SCIMP: variants seen among roughly 807,000 people sequenced by gnomAD.
SCIMP encodes SLP adaptor and CSK interacting membrane protein, also known as SLP adapter and CSK-interacting membrane protein.
In SCIMP, 18 loss-of-function variants were observed where a neutral mutation model predicts 22.0. That is an observed-to-expected ratio of 0.82 (90% CI 0.56 to 1.21). The LOEUF (loss-of-function observed/expected upper bound fraction) is 1.21. Among genes scored for constraint, SCIMP ranks in the 50% most tolerant of loss-of-function variants. The pLI is 0.00. For synonymous variants in SCIMP, 53 were observed against 62.2 expected (o/e 0.85, Z 0.70); for missense variants, 155 against 171.2 (o/e 0.91, Z 0.53).
intron 4 of SCIMP, chr17:5,214,656 C>T (rs148632265): frequency 0.019 from 7,020 of 374,202 alleles, 441 homozygotes; most frequent in African/African-American, 0.14. Context: ...CTGGCTAACG[C>T]GGTGAAACTC....
chr17:5,219,812 A>G (rs1279640487), intron 3 of SCIMP, among the ~76,000 whole-genome samples: 4 of 152,148 alleles, frequency 2.6e-5, no homozygotes, highest in Admixed American at 6.6e-5. Flanking sequence ...AACCCCCAGT[A>G]AAAGAAAAAC....
chr17:5,222,855 G>A (rs1354391194), intron 2 of SCIMP, among the ~76,000 whole-genome samples: 1 of 152,062 alleles, frequency 6.6e-6, no homozygotes, highest in Non-Finnish European at 1.5e-5. Flanking sequence ...AGTAGAGACG[G>A]GGTTTCGCCA....
At chr17:5,232,429 C>G (rs1329813941) in intron 1 of SCIMP, among the ~76,000 whole-genome samples, 1 of 152,090 alleles carries the variant, frequency 6.6e-6, no homozygotes, top group Non-Finnish European at 1.5e-5. Flanking sequence ...GCAGTGTAAA[C>G]AGCGCAGTGT....
intron 1 of SCIMP, among the ~76,000 whole-genome samples, chr17:5,225,708 G>T (rs2074642704): frequency 6.6e-6 from 1 of 151,744 alleles, no homozygotes. Flanking sequence ...GTTGCGGTGA[G>T]CCGAGGTTGT....
At chr17:5,230,675 C>T (rs532233682) in intron 1 of SCIMP, among the ~76,000 whole-genome samples, 60 of 152,168 alleles carry the variant, frequency 3.9e-4, no homozygotes, top group Non-Finnish European at 7.5e-4. Flanking sequence ...AATCCCAGCA[C>T]TTTGGGAGGC....
At chr17:5,218,880 A>T (rs1039928660) in intron 3 of SCIMP, among the ~76,000 whole-genome samples, 2 of 152,164 alleles carry the variant, frequency 1.3e-5, no homozygotes, top group African/African-American at 4.8e-5. Flanking sequence ...CACTTTGGCA[A>T]AGTGCTGAGA....
rs114981012 is a variant in SCIMP at position 5,211,351 on chromosome 17, C to T, written c.284-396G>A. 3.5e-3 allele frequency among the ~76,000 whole-genome samples: 540 copies of T among 152,168 alleles called. 4 individuals are homozygous for T. Among genetic ancestry groups the T allele is most frequent in the African/African-American group, 0.012 (516 of 41,524 alleles). ...AGCTTGGGCAACACAGGGAGACCCTCGTCCCTACAGAAAAATTTAAAAATT... is the reference window on the plus strand; with the variant it reads ...AGCTTGGGCAACACAGGGAGACCCTTGTCCCTACAGAAAAATTTAAAAATT... On this transcript the variant is annotated intron_variant, in intron 4 of 4. Coordinates refer to ENST00000574081, the MANE Select transcript of SCIMP (RefSeq NM_207103.3).
chr17:5,229,587 T>C (rs2074677942), intron 1 of SCIMP, among the ~76,000 whole-genome samples: 1 of 151,804 alleles, frequency 6.6e-6, no homozygotes, highest in African/African-American at 2.4e-5. Flanking sequence ...AGAGATGGCG[T>C]TTCACACCAT....
chr17:5,229,415 A>G (rs527357958), intron 1 of SCIMP, among the ~76,000 whole-genome samples: 215 of 103,230 alleles, frequency 2.1e-3, no homozygotes, highest in Non-Finnish European at 3.3e-3. Context: ...TTTTTTTGAG[A>G]CAGAGTCTTG....
chr17:5,215,624 A>AAC (rs1199110422), intron 3 of SCIMP, among the ~76,000 whole-genome samples: 6 of 152,046 alleles, frequency 3.9e-5, no homozygotes, highest in Non-Finnish European at 8.8e-5. Flanking sequence ...AAAACAAACA[A>AAC]ATAAAAAAAC....
chr17:5,214,838 TAA>T (rs34085108), intron 4 of SCIMP, 85 bp downstream of exon 4: 70,413 of 447,564 alleles, frequency 0.16, 43 homozygotes, highest in Middle Eastern at 0.17. Flanking sequence ...AGACTCCATC[TAA>T]AAAAAAAAAA....
chr17:5,228,210 G>A (rs1380454070), intron 1 of SCIMP, among the ~76,000 whole-genome samples: 2 of 151,740 alleles, frequency 1.3e-5, no homozygotes, highest in Admixed American at 1.3e-4. Context: ...GTTGGGCATG[G>A]TGGCACGCGC....
intron 1 of SCIMP, among the ~76,000 whole-genome samples, chr17:5,226,011 C>T (rs1651814677): frequency 6.6e-6 from 1 of 152,088 alleles, no homozygotes; most frequent in African/African-American, 2.4e-5. Context: ...CATTTGGTCA[C>T]AGAAGCCCTT....
intron 1 of SCIMP, among the ~76,000 whole-genome samples, chr17:5,224,039 A>G (rs762360671): frequency 1.3e-5 from 2 of 152,236 alleles, no homozygotes; most frequent in Non-Finnish European, 2.9e-5. Context: ...TCGAACATGT[A>G]CCTACTGGGC....
intron 1 of SCIMP, among the ~76,000 whole-genome samples, chr17:5,228,613 C>T (rs2074670252): frequency 2.0e-5 from 3 of 151,962 alleles, no homozygotes; most frequent in Admixed American, 1.3e-4. Flanking sequence ...CCACTGCACT[C>T]CAGCCTGAGT....
intron 4 of SCIMP, chr17:5,213,238 C>T (rs2074539682): frequency 3.1e-6 from 3 of 980,486 alleles, no homozygotes; most frequent in African/African-American, 1.8e-5. Flanking sequence ...CTTATGCTGC[C>T]CCCTTTTTGC....
Position 5,223,526 on chromosome 17 carries a change from G to C in SCIMP, c.22-70C>G, listed in dbSNP as rs180843145. ...TCCTGGGGTTGGGTGGAGTGGGGCA[G>C]TTATCTACTGTGGGTTGTTTTTTTT... On this transcript the variant is annotated intron_variant, in intron 1 of 4. Coordinates refer to ENST00000574081, the MANE Select transcript of SCIMP (RefSeq NM_207103.3). The C allele has an allele frequency of 1.1e-3, 1,672 of 1,467,846 alleles. 11 individuals carry two copies. In the Middle Eastern group the frequency reaches 0.023, roughly 20 times the overall value. The allele number at this position is 1,467,846 out of a possible 1,614,324, so 90.9% of individuals were successfully genotyped here.
chr17:5,232,067 A>C (rs2074702059), intron 1 of SCIMP, among the ~76,000 whole-genome samples: 1 of 151,990 alleles, frequency 6.6e-6, no homozygotes, highest in African/African-American at 2.4e-5. Context: ...AAAACAAAAA[A>C]AAAAAACTGG....
chr17:5,228,770 G>A (rs776133829), intron 1 of SCIMP, among the ~76,000 whole-genome samples: 1 of 152,130 alleles, frequency 6.6e-6, no homozygotes, highest in African/African-American at 2.4e-5. Flanking sequence ...ACACTGATGG[G>A]CAAGCAGCAT....
Sources: allele counts gnomAD v4.1 joint callset (sites outside exome capture counted in the v4.1 genomes callset), GRCh38; gene constraint gnomAD v4.1.1; transcripts MANE v1.5; gene names NCBI Gene and HGNC (gene_info 2026-07-23, HGNC 2026-07-21).